The following SLCO1A2 variants were observed in gnomAD, a reference collection of about 807,000 sequenced individuals.
The protein encoded by SLCO1A2 is solute carrier organic anion transporter family member 1A2.
SLCO1A2 carries 67 observed loss-of-function variants against 69.0 expected under a neutral mutation model. The ratio of observed to expected loss-of-function variants is 0.97; its 90% CI spans 0.80 to 1.19. The LOEUF is 1.19. Among genes scored for constraint, SLCO1A2 ranks in the 50% most tolerant of loss-of-function variants. SLCO1A2 has a pLI of 0.00. For missense variants in SLCO1A2, 787 were observed against 793.7 expected, an observed-to-expected ratio of 0.99 and a Z score of 0.10; for synonymous variants, 260 against 265.9, an observed-to-expected ratio of 0.98 and a Z score of 0.22.
At chr12:21,330,036 T>C (rs545165560) in intron 2 of SLCO1A2, among the ~76,000 whole-genome samples, 1 of 152,224 alleles carries the variant, frequency 6.6e-6, no homozygotes, top group African/African-American at 2.4e-5. Flanking sequence ...CTTATTTTTC[T>C]TTTAGCCAAG....
rs181934880 is a variant in SLCO1A2, at chr12:21,379,383, T to C, written c.-189-4858A>G. On this transcript the variant is annotated intron_variant, in intron 1 of 15. Coordinates refer to the SLCO1A2 transcript ENST00000307378. ...GTATATGTCATTTATTTTGTTTAAGTGGCTTTCAGCAAACCTCAGTCATAT... is the reference window on the plus strand; with the variant it reads ...GTATATGTCATTTATTTTGTTTAAGCGGCTTTCAGCAAACCTCAGTCATAT... The C allele has an allele frequency of 6.6e-5, 10 of 152,328 alleles. No individual in the cohort carries two copies. The East Asian group carries it at 1.9e-3, about 29-fold the overall frequency. The allele number at this position is 152,328 out of a possible 1,614,324, so 9.4% of individuals were successfully genotyped here. A position where few individuals can be genotyped will look rare whatever the true frequency, so the allele number is the denominator to read the frequency against.
intron 2 of SLCO1A2, among the ~76,000 whole-genome samples, chr12:21,333,085 A>G (rs1952712788): frequency 6.6e-6 from 1 of 152,100 alleles, no homozygotes; most frequent in South Asian, 2.1e-4. Flanking sequence ...AAACCTTCTC[A>G]GAGTGTATTC....
At chr12:21,280,010 A>C (rs1388280600) in intron 12 of SLCO1A2, among the ~76,000 whole-genome samples, 1 of 152,104 alleles carries the variant, frequency 6.6e-6, no homozygotes, top group Non-Finnish European at 1.5e-5. Context: ...TTCTTTATGC[A>C]AGCAATTTTA....
chr12:21,346,137 T>A (rs922561251), intron 2 of SLCO1A2, among the ~76,000 whole-genome samples: 7 of 150,432 alleles, frequency 4.7e-5, no homozygotes, highest in Admixed American at 2.6e-4. Context: ...TTCAGTAGAT[T>A]ATTAAATATA....
intron 14 of SLCO1A2, 95 bp from the exon 15 acceptor site, chr12:21,269,862 A>G: frequency 2.2e-6 from 2 of 904,852 alleles, no homozygotes; most frequent in Non-Finnish European, 3.1e-6. Flanking sequence ...TGATAAAAAC[A>G]GCAGCTGATG....
At chr12:21,314,486 G>T (rs888114336) in intron 4 of SLCO1A2, 63 bp downstream of exon 4, 15 of 1,575,810 alleles carry the variant, frequency 9.5e-6, no homozygotes, top group Middle Eastern at 1.7e-4. Flanking sequence ...AGAGAGGAAA[G>T]TGCAACTTCA....
chr12:21,329,944 T>A (rs1952498746), intron 2 of SLCO1A2, among the ~76,000 whole-genome samples: 1 of 151,894 alleles, frequency 6.6e-6, no homozygotes, highest in Non-Finnish European at 1.5e-5. Flanking sequence ...AGATTAAATT[T>A]ACCAGATTAG....
intron 1 of SLCO1A2, among the ~76,000 whole-genome samples, chr12:21,387,165 A>C (rs532995468): frequency 6.6e-6 from 1 of 152,316 alleles, no homozygotes; most frequent in African/African-American, 2.4e-5. Flanking sequence ...TCAAGAGATG[A>C]CAGAGCATAA....
At chr12:21,330,554 T>C (rs61927786) in intron 2 of SLCO1A2, among the ~76,000 whole-genome samples, 17,472 of 151,792 alleles carry the variant, frequency 0.12, 1,098 homozygotes, top group Non-Finnish European at 0.15. Context: ...CCAAACAAAG[T>C]TGAAGGAGAG....
intron 12 of SLCO1A2, among the ~76,000 whole-genome samples, chr12:21,279,344 T>A (rs1944408310): frequency 6.6e-6 from 1 of 152,126 alleles, no homozygotes; most frequent in Non-Finnish European, 1.5e-5. Context: ...AGGTATTGAT[T>A]CCAAGTGCAA....
intron 2 of SLCO1A2, chr12:21,373,345 A>G: frequency 6.2e-7 from 1 of 1,605,264 alleles, no homozygotes; most frequent in Non-Finnish European, 8.5e-7. Context: ...AGAAAATTTG[A>G]GAAGCAATGG....
chr12:21,383,363 T>C (rs115804788), intron 1 of SLCO1A2, among the ~76,000 whole-genome samples: 1 of 152,276 alleles, frequency 6.6e-6, no homozygotes, highest in East Asian at 1.9e-4. Flanking sequence ...CTATAGCTGG[T>C]CCCTTAACGT....
At chr12:21,403,826 A>G (rs1941778771) in intron 1 of SLCO1A2, among the ~76,000 whole-genome samples, 1 of 148,806 alleles carries the variant, frequency 6.7e-6, no homozygotes, top group Non-Finnish European at 1.5e-5. Context: ...AACTTTGCTG[A>G]GCCTCAATTT....
chr12:21,281,432 AGAGT>A (rs1944774942), intron 12 of SLCO1A2, among the ~76,000 whole-genome samples: 1 of 152,090 alleles, frequency 6.6e-6, no homozygotes, highest in African/African-American at 2.4e-5. Flanking sequence ...CTTGAGCGAC[AGAGT>A]GAGACTCCGT....
chr12:21,341,256 A>C (rs1006552651), intron 2 of SLCO1A2, among the ~76,000 whole-genome samples: 2 of 151,958 alleles, frequency 1.3e-5, no homozygotes, highest in African/African-American at 4.8e-5. Context: ...TAGATAAAAC[A>C]CTGGAGGACC....
At chr12:21,308,003 T>G (rs1051947916) in intron 4 of SLCO1A2, among the ~76,000 whole-genome samples, 6 of 152,130 alleles carry the variant, frequency 3.9e-5, no homozygotes, top group African/African-American at 1.4e-4. Context: ...AATAACACCT[T>G]TGGCAGGTGG....
chr12:21,311,337 C>T (rs1007819409), intron 4 of SLCO1A2, among the ~76,000 whole-genome samples: 6 of 152,074 alleles, frequency 3.9e-5, no homozygotes, highest in African/African-American at 1.2e-4. Context: ...GCCCTCCTCT[C>T]CTTTTCCTAG....
chr12:21,369,214 C>T (rs1424831683), intron 2 of SLCO1A2, among the ~76,000 whole-genome samples: 1 of 152,108 alleles, frequency 6.6e-6, no homozygotes, highest in Non-Finnish European at 1.5e-5. Context: ...TATATCCTGA[C>T]ACTCATGTTT....
chr12:21,326,502 C>G (rs1354176865), intron 2 of SLCO1A2, among the ~76,000 whole-genome samples: 1 of 152,166 alleles, frequency 6.6e-6, no homozygotes, highest in Admixed American at 6.5e-5. Flanking sequence ...AAGTTTGAAA[C>G]TTCCTAGAGA....
Sources: allele counts gnomAD v4.1 joint callset (sites outside exome capture counted in the v4.1 genomes callset), GRCh38; gene constraint gnomAD v4.1.1; transcripts MANE v1.5; gene names NCBI Gene and HGNC (gene_info 2026-07-23, HGNC 2026-07-21).